Variants in ANXA4 observed in about 807,000 individuals in gnomAD.
ANXA4 encodes the protein annexin A4, also known as 35-beta calcimedin.
ANXA4 carries 39 observed loss-of-function variants against 49.8 expected under a neutral mutation model. The ratio of observed to expected loss-of-function variants is 0.78; its 90% CI spans 0.61 to 1.02. The LOEUF (loss-of-function observed/expected upper bound fraction) is 1.02, where lower values mean the gene tolerates loss of function less well. Ranked by LOEUF, ANXA4 falls within the 50% of genes least tolerant of loss-of-function variation. ANXA4 has a pLI of 0.00. For missense variants in ANXA4, 360 were observed against 410.1 expected (o/e 0.88, Z 1.05); for synonymous variants, 134 against 152.5 (o/e 0.88, Z 0.89).
At chr2:69,761,750 G>A (rs937988018) in intron 1 of ANXA4, among the ~76,000 whole-genome samples, 8 of 147,120 alleles carry the variant, frequency 5.4e-5, no homozygotes, top group South Asian at 4.2e-4. Flanking sequence ...GTGAGACCCC[G>A]TCTGTGACAG....
chr2:69,687,957 A>C (rs1336823357), intron 2 of ANXA4, among the ~76,000 whole-genome samples: 1 of 152,208 alleles, frequency 6.6e-6, no homozygotes, highest in Non-Finnish European at 1.5e-5. Flanking sequence ...AAATATACCC[A>C]CAATACTTTT....
At chr2:69,726,222 C>A (rs562179087) in intron 3 of ANXA4, among the ~76,000 whole-genome samples, 1 of 152,136 alleles carries the variant, frequency 6.6e-6, no homozygotes, top group South Asian at 2.1e-4. Flanking sequence ...GCACTTCCCC[C>A]CTCACTCTCT....
At chr2:69,692,031 A>T (rs541275978) in intron 2 of ANXA4, among the ~76,000 whole-genome samples, 1 of 152,230 alleles carries the variant, frequency 6.6e-6, no homozygotes, top group East Asian at 1.9e-4. Context: ...GATTACAGGC[A>T]CTTGCCATCA....
At chr2:69,717,393 C>T (rs550434735) in intron 2 of ANXA4, among the ~76,000 whole-genome samples, 4 of 152,106 alleles carry the variant, frequency 2.6e-5, no homozygotes, top group Non-Finnish European at 5.9e-5. Flanking sequence ...CCCATCCTGG[C>T]GCCCACCCTT....
rs1314827623 is a variant in ANXA4 at position 69,757,502 on chromosome 2, T to C, written c.-47+15327T>C. Among the ~76,000 whole-genome samples the C allele has an allele frequency of 4.8e-5, 7 of 146,214 alleles. No individual in the cohort carries two copies. In the East Asian group the frequency reaches 1.2e-3, roughly 26 times the overall value. Reference sequence around the variant, plus strand: ...GTTAGCCAAGATGGTCTCGATCTCCTGACCTCGTCATCCGCCTGCCTCGGC... The same window carrying C: ...GTTAGCCAAGATGGTCTCGATCTCCCGACCTCGTCATCCGCCTGCCTCGGC... On this transcript the variant is annotated intron_variant, in intron 1 of 12. Coordinates refer to ENST00000394295, the MANE Select transcript of ANXA4 (RefSeq NM_001153.5).
At chr2:69,671,722 C>G (rs1045277547) in intron 2 of ANXA4, among the ~76,000 whole-genome samples, 2 of 151,978 alleles carry the variant, frequency 1.3e-5, no homozygotes, top group Non-Finnish European at 2.9e-5. Context: ...GACTCCATCT[C>G]AAAAAATATA....
chr2:69,782,500 A>AT (rs201507078), intron 2 of ANXA4, among the ~76,000 whole-genome samples: 1 of 152,130 alleles, frequency 6.6e-6, no homozygotes, highest in African/African-American at 2.4e-5. Context: ...GCCATGGAGA[A>AT]TTTTTTTAAA....
At chr2:69,809,612 G>A (rs1297836091) in intron 6 of ANXA4, 3 of 151,912 alleles carry the variant, frequency 2.0e-5, no homozygotes, top group Non-Finnish European at 2.9e-5. Flanking sequence ...CCTGTAGCTG[G>A]TACTACAAGC....
At chr2:69,714,262 C>T (rs1296020429) in intron 2 of ANXA4, among the ~76,000 whole-genome samples, 1 of 152,164 alleles carries the variant, frequency 6.6e-6, no homozygotes, top group Admixed American at 6.5e-5. Flanking sequence ...TTCTGGGAGC[C>T]CCACCAGAAC....
intron 2 of ANXA4, among the ~76,000 whole-genome samples, chr2:69,719,168 A>G (rs371830414): frequency 2.0e-5 from 3 of 150,992 alleles, no homozygotes; most frequent in African/African-American, 7.3e-5. Flanking sequence ...AGTAGAGACA[A>G]GGTTTCACTA....
intron 1 of ANXA4, among the ~76,000 whole-genome samples, chr2:69,766,559 G>A (rs1314939588): frequency 6.6e-6 from 1 of 152,164 alleles, no homozygotes. Flanking sequence ...AGGAAGGATG[G>A]GGTGGTCATT....
intron 7 of ANXA4, 100 bp downstream of exon 7, chr2:69,810,773 T>C: frequency 1.1e-6 from 1 of 918,238 alleles, no homozygotes; most frequent in Non-Finnish European, 1.8e-6. Context: ...CATGTGGATA[T>C]TCCCCAGGTA....
intron 1 of ANXA4, among the ~76,000 whole-genome samples, chr2:69,779,841 T>C (rs1163965190): frequency 6.6e-6 from 1 of 152,184 alleles, no homozygotes; most frequent in Admixed American, 6.5e-5. Flanking sequence ...ATTTCCTCAT[T>C]ATTCCTGAAA....
rs566509993 is a variant in ANXA4 at position 69,783,923 on chromosome 2, G to A, written c.9+2349G>A. On this transcript the variant is annotated intron_variant, in intron 2 of 12. Transcript: ENST00000394295. ...CATTATATTCTTTTGCAATTCATCC[G>A]TATTGTTGCATCAGTAGTTTTGTTC... Among the ~76,000 whole-genome samples the A allele has an allele frequency of 1.2e-4, 19 of 152,228 alleles. No individual in the cohort carries two copies. The East Asian group carries it at 2.9e-3, about 23-fold the overall frequency.
At chr2:69,794,585 C>T (rs1030520549) in intron 3 of ANXA4, among the ~76,000 whole-genome samples, 6 of 114,028 alleles carry the variant, frequency 5.3e-5, no homozygotes, top group East Asian at 2.7e-4. Context: ...ATTTTTGAGA[C>T]GGAGTCTCAC....
chr2:69,670,560 G>A (rs1677138574), intron 2 of ANXA4, among the ~76,000 whole-genome samples: 1 of 152,002 alleles, frequency 6.6e-6, no homozygotes, highest in African/African-American at 2.4e-5. Context: ...AAGACAATGT[G>A]GCATGGGCAC....
chr2:69,747,965 C>A (rs1354720975), intron 1 of ANXA4, among the ~76,000 whole-genome samples: 1 of 152,104 alleles, frequency 6.6e-6, no homozygotes, highest in Non-Finnish European at 1.5e-5. Context: ...CAGGCATGAA[C>A]CACTGGCCCG....
intron 3 of ANXA4, among the ~76,000 whole-genome samples, chr2:69,792,867 C>T (rs1672752673): frequency 6.6e-6 from 1 of 151,410 alleles, no homozygotes; most frequent in Non-Finnish European, 1.5e-5. Context: ...TGACTCCTTT[C>T]AGCATAGTTA....
At chr2:69,805,998 G>A (rs1673428084) in intron 4 of ANXA4, among the ~76,000 whole-genome samples, 1 of 152,188 alleles carries the variant, frequency 6.6e-6, no homozygotes, top group Non-Finnish European at 1.5e-5. Context: ...ACATTTTGCA[G>A]ATCTCTTTAA....
Sources: allele counts gnomAD v4.1 joint callset (sites outside exome capture counted in the v4.1 genomes callset), GRCh38; gene constraint gnomAD v4.1.1; transcripts MANE v1.5; gene names NCBI Gene and HGNC (gene_info 2026-07-23, HGNC 2026-07-21).